Variants in RLN2 observed in about 807,000 individuals in gnomAD.
RLN2 encodes relaxin 2.
Under a neutral mutation model 7.3 loss-of-function variants are expected in RLN2, and 10 were observed. That is an observed-to-expected ratio of 1.36 (90% CI 0.84 to 2.31). The LOEUF is 2.31. Ranked by LOEUF, RLN2 falls within the 30% of genes most tolerant of loss-of-function variation. The probability of loss-of-function intolerance (pLI) is 0.00; values close to 1 mark genes in which losing one functional copy is unlikely to be tolerated. For synonymous variants in RLN2, 103 were observed against 82.3 expected (o/e 1.25, Z -1.36); for missense variants, 298 against 217.6 (o/e 1.37, Z -2.32).
chr9:5,326,262 G>A, the RLN2 span, among the ~76,000 whole-genome samples: 7 of 152,070 alleles, frequency 4.6e-5, no homozygotes, highest in Non-Finnish European at 1.0e-4. Flanking sequence ...AACCTCAAGG[G>A]ATGAAAAGGC....
At chr9:5,322,719 C>G in the RLN2 span, among the ~76,000 whole-genome samples, 1 of 152,026 alleles carries the variant, frequency 6.6e-6, no homozygotes, top group Non-Finnish European at 1.5e-5. Context: ...GGGATCCTCT[C>G]ACTGGAGATG....
At chr9:5,300,512 T>C in intron 1 of RLN2, 68 bp from the exon 2 acceptor site, 2 of 1,063,708 alleles carry the variant, frequency 1.9e-6, no homozygotes, top group East Asian at 2.4e-5. Flanking sequence ...AGAAAAACTA[T>C]GAATGTTTGC....
the RLN2 span, chr9:5,335,505 G>C: frequency 5.6e-6 from 9 of 1,613,166 alleles, no homozygotes; most frequent in Non-Finnish European, 7.6e-6. Context: ...CTCTCAGATA[G>C]GGCTGCCTTC....
the RLN2 span, among the ~76,000 whole-genome samples, chr9:5,318,410 T>C: frequency 6.6e-6 from 1 of 151,914 alleles, no homozygotes; most frequent in Non-Finnish European, 1.5e-5. Flanking sequence ...TTTTCTATGG[T>C]TACTGTGAAA....
chr9:5,335,185 G>A, the RLN2 span: 2 of 895,518 alleles, frequency 2.2e-6, no homozygotes, highest in Non-Finnish European at 3.4e-6. Context: ...CCTGACAGAA[G>A]CATCAGTGAA....
At chr9:5,310,722 C>T in the RLN2 span, among the ~76,000 whole-genome samples, 1 of 152,070 alleles carries the variant, frequency 6.6e-6, no homozygotes. Context: ...ACTTACTTCA[C>T]TGGAGTACAA....
the RLN2 span, chr9:5,335,470 C>T: frequency 0.25 from 406,386 of 1,612,432 alleles, 56,050 homozygotes; most frequent in East Asian, 0.43. Flanking sequence ...GTACATACTG[C>T]TGTAGCTCTG....
At chr9:5,320,980 T>C in the RLN2 span, among the ~76,000 whole-genome samples, 1,131 of 152,188 alleles carry the variant, frequency 7.4e-3, 17 homozygotes, top group African/African-American at 0.026. Context: ...TCATTTTCAG[T>C]GAGTTGAAGA....
chr9:5,333,191 G>A, the RLN2 span, among the ~76,000 whole-genome samples: 2 of 151,976 alleles, frequency 1.3e-5, no homozygotes, highest in African/African-American at 4.8e-5. Flanking sequence ...GAGAAAATGC[G>A]CTCATGCACT....
At chr9:5,306,102 G>GTTTTTTTTTTTTTTT (rs57304439), upstream of RLN2, among the ~76,000 whole-genome samples, 2 of 123,432 alleles carry the variant, frequency 1.6e-5, no homozygotes, top group Non-Finnish European at 1.7e-5. Context: ...CTTTGTTTTT[G>GTTTTTTTTTTTTTTT]TTTTTTGTTT....
chr9:5,308,869 A>C (rs995564726), upstream of RLN2, among the ~76,000 whole-genome samples: 3 of 152,082 alleles, frequency 2.0e-5, no homozygotes, highest in African/African-American at 7.3e-5. Context: ...GAAGGCAGTC[A>C]CATCCTTTCG....
the RLN2 span, among the ~76,000 whole-genome samples, chr9:5,315,636 C>T: frequency 6.6e-6 from 1 of 151,958 alleles, no homozygotes; most frequent in South Asian, 2.1e-4. Flanking sequence ...TAGGTCCTCT[C>T]CAAGTTGCAT....
chr9:5,328,764 C>A, the RLN2 span, among the ~76,000 whole-genome samples: 1 of 61,250 alleles, frequency 1.6e-5, no homozygotes. Flanking sequence ...ATTCAACATT[C>A]TTAAAGAAAG....
upstream of RLN2, among the ~76,000 whole-genome samples, chr9:5,305,857 C>A (rs1300671808): frequency 6.6e-6 from 1 of 151,934 alleles, no homozygotes; most frequent in Middle Eastern, 3.2e-3. Context: ...TAGCATTGGT[C>A]AAATGCCAAG....
chr9:5,325,201 G>A, the RLN2 span, among the ~76,000 whole-genome samples: 1 of 151,868 alleles, frequency 6.6e-6, no homozygotes, highest in East Asian at 1.9e-4. Context: ...GCTGTCATTT[G>A]CAAGTATACA....
At chr9:5,330,654 A>G in the RLN2 span, among the ~76,000 whole-genome samples, 9 of 149,748 alleles carry the variant, frequency 6.0e-5, no homozygotes, top group Non-Finnish European at 1.2e-4. Context: ...AAAAAAAAAA[A>G]AGAAAAAAGA....
the RLN2 span, among the ~76,000 whole-genome samples, chr9:5,319,834 T>A: frequency 6.6e-6 from 1 of 152,008 alleles, no homozygotes; most frequent in Non-Finnish European, 1.5e-5. Context: ...AAGAATAACA[T>A]TCTTTATGAA....
chr9:5,317,082 C>G, the RLN2 span, among the ~76,000 whole-genome samples: 5 of 151,724 alleles, frequency 3.3e-5, no homozygotes, highest in Non-Finnish European at 7.4e-5. Flanking sequence ...AGCAGATACA[C>G]AACTGATAAA....
At chr9:5,327,055 G>C in the RLN2 span, among the ~76,000 whole-genome samples, 3 of 152,118 alleles carry the variant, frequency 2.0e-5, no homozygotes, top group South Asian at 6.2e-4. Flanking sequence ...GAACAGTGGG[G>C]GCAGCCCACA....
Sources: gnomAD v4.1 joint callset for allele counts (sites outside exome capture counted in the v4.1 genomes callset) on GRCh38, gnomAD v4.1.1 for gene constraint, MANE v1.5 for transcripts, NCBI Gene and HGNC (gene_info 2026-07-23, HGNC 2026-07-21) for gene names.